Variants in ACOXL observed in about 807,000 individuals in gnomAD.
The protein encoded by ACOXL is acyl-CoA oxidase like.
In ACOXL, 70 loss-of-function variants were observed where a neutral mutation model predicts 71.9. That is an observed-to-expected ratio of 0.97 (90% CI 0.80 to 1.19). The LOEUF (loss-of-function observed/expected upper bound fraction) is 1.19. Among genes scored for constraint, ACOXL ranks in the 50% most tolerant of loss-of-function variants. ACOXL has a pLI of 0.00. For missense variants in ACOXL, 703 were observed against 736.3 expected (o/e 0.95, Z 0.52); for synonymous variants, 253 against 281.6 (o/e 0.90, Z 1.02).
chr2:111,018,195 G>GACCA (rs2064554540), intron 14 of ACOXL: 1 of 152,654 alleles, frequency 6.6e-6, no homozygotes. Context: ...TGGGAGGGAA[G>GACCA]GATGGCAGGG....
At chr2:110,984,280 T>A (rs939617007) in intron 12 of ACOXL, among the ~76,000 whole-genome samples, 1 of 152,152 alleles carries the variant, frequency 6.6e-6, no homozygotes, top group African/African-American at 2.4e-5. Context: ...CACACACATA[T>A]ATACTACATA....
chr2:110,933,668 G>T (rs201024754), intron 12 of ACOXL, 26 bp downstream of exon 12: 1 of 1,595,812 alleles, frequency 6.3e-7, no homozygotes, highest in Non-Finnish European at 8.5e-7. Flanking sequence ...TGCAGCCCCC[G>T]TGGGTCCCCA....
At chr2:111,042,646 A>C (rs940377534) in intron 15 of ACOXL, among the ~76,000 whole-genome samples, 6 of 152,210 alleles carry the variant, frequency 3.9e-5, no homozygotes, top group Non-Finnish European at 8.8e-5. Flanking sequence ...ATGAGCCTGG[A>C]AAAGTGGGCC....
intron 10 of ACOXL, among the ~76,000 whole-genome samples, chr2:110,875,775 G>A (rs1411409366): frequency 6.6e-6 from 1 of 152,156 alleles, no homozygotes; most frequent in African/African-American, 2.4e-5. Context: ...TTCCTCATTT[G>A]TCAAATGAGG....
chr2:110,810,202 C>G (rs1036964461), intron 9 of ACOXL, among the ~76,000 whole-genome samples: 2 of 152,210 alleles, frequency 1.3e-5, no homozygotes, highest in African/African-American at 4.8e-5. Context: ...ATTGCTGTAA[C>G]ACGATCAGGC....
intron 12 of ACOXL, among the ~76,000 whole-genome samples, chr2:110,957,926 C>T (rs562521691): frequency 7.3e-5 from 11 of 151,638 alleles, no homozygotes; most frequent in African/African-American, 2.4e-4. Context: ...GGCATGGTGG[C>T]GGGCGACTGT....
chr2:110,929,791 G>A (rs943420147), intron 11 of ACOXL, among the ~76,000 whole-genome samples: 1 of 152,226 alleles, frequency 6.6e-6, no homozygotes, highest in Non-Finnish European at 1.5e-5. Context: ...TGGTATAGCT[G>A]GAGGCATGGC....
At chr2:111,051,792 T>C (rs1426584028) in intron 16 of ACOXL, among the ~76,000 whole-genome samples, 2 of 152,246 alleles carry the variant, frequency 1.3e-5, no homozygotes, top group Non-Finnish European at 2.9e-5. Context: ...AATTATATTT[T>C]GCATGCATTC....
intron 16 of ACOXL, among the ~76,000 whole-genome samples, chr2:111,066,908 A>C (rs1024011573): frequency 2.0e-5 from 3 of 152,186 alleles, no homozygotes; most frequent in African/African-American, 7.2e-5. Flanking sequence ...CTATAGGAAA[A>C]TCCAGGAGAA....
chr2:111,110,862 C>T (rs542877641), intron 17 of ACOXL, among the ~76,000 whole-genome samples: 11 of 152,290 alleles, frequency 7.2e-5, no homozygotes, highest in African/African-American at 2.2e-4. Context: ...AGGAGCCCTC[C>T]CAGTTGATTT....
In ACOXL at chr2:110,948,519, T is replaced by A. The variant is rs144910019; in HGVS notation, c.1059+14877T>A. On this transcript the variant is annotated intron_variant, in intron 12 of 17. Transcript: ENST00000439055. Reference sequence around the variant, plus strand: ...GATCTCTGGGAATCACAAAGAGATGTTGCAAAGCCCACGTACTGGAGCTCA... The same window carrying A: ...GATCTCTGGGAATCACAAAGAGATGATGCAAAGCCCACGTACTGGAGCTCA... Among the ~76,000 whole-genome samples the A allele has an allele frequency of 4.6e-3, 698 of 151,966 alleles. 7 individuals are homozygous for A. The highest frequency in any genetic ancestry group is 0.016 in the African/African-American group (667 of 41,446).
At position 110,732,576 on chromosome 2, in the gene ACOXL, T is replaced by A. The variant is rs2104603686; in HGVS notation, c.-221T>A. On this transcript the variant is annotated 5_prime_UTR_variant, in exon 1 of 18. Transcript: ENST00000439055. ...GAGGGCGTGCGCCTGGGGCCTCACC[T>A]GCTGGGAGCTGGAGGAGGCGCGGAG... is the stretch of plus-strand genomic sequence containing the variant. 6.5e-6 allele frequency: 1 copy of A among 152,922 alleles called. No homozygotes were observed. Among genetic ancestry groups the A allele is most frequent in the African/African-American group, 2.4e-5 (1 of 41,568 alleles). The allele number at this position is 152,922 out of a possible 1,614,324, so 9.5% of individuals were successfully genotyped here.
intron 12 of ACOXL, among the ~76,000 whole-genome samples, chr2:110,943,368 AAG>A (rs2060968917): frequency 6.6e-6 from 1 of 152,054 alleles, no homozygotes; most frequent in Admixed American, 6.6e-5. Context: ...AAAGAAAGAA[AAG>A]AGAGAAAATT....
intron 10 of ACOXL, among the ~76,000 whole-genome samples, chr2:110,890,496 G>A (rs778133238): frequency 1.3e-5 from 2 of 152,128 alleles, no homozygotes; most frequent in Non-Finnish European, 2.9e-5. Flanking sequence ...TGTATGGTGT[G>A]AGGAAGGGCT....
intron 14 of ACOXL, among the ~76,000 whole-genome samples, chr2:111,024,314 A>G (rs1232092817): frequency 2.6e-5 from 4 of 152,210 alleles, no homozygotes; most frequent in East Asian, 3.8e-4. Flanking sequence ...GAATCAAATT[A>G]GGTCACACTG....
chr2:110,833,335 A>G (rs887580744), intron 9 of ACOXL, among the ~76,000 whole-genome samples: 39 of 152,342 alleles, frequency 2.6e-4, no homozygotes, highest in African/African-American at 8.2e-4. Flanking sequence ...TACATCCTGC[A>G]TGGTTACATT....
chr2:110,873,955 C>T (rs1157850094), intron 10 of ACOXL, among the ~76,000 whole-genome samples: 2 of 152,188 alleles, frequency 1.3e-5, no homozygotes, highest in East Asian at 3.9e-4. Context: ...TGGCATCCAC[C>T]GTGTGGCATC....
chr2:110,951,442 C>T (rs1252490706), intron 12 of ACOXL, among the ~76,000 whole-genome samples: 1 of 152,230 alleles, frequency 6.6e-6, no homozygotes, highest in East Asian at 1.9e-4. Context: ...TGTTTCTTTG[C>T]CTATATTATA....
At chr2:110,999,468 T>C (rs1259396490) in intron 14 of ACOXL, among the ~76,000 whole-genome samples, 2 of 152,134 alleles carry the variant, frequency 1.3e-5, no homozygotes, top group Admixed American at 1.3e-4. Context: ...AAAGGCAAAA[T>C]GATGACCTCA....
Sources: gnomAD v4.1 joint callset for allele counts (sites outside exome capture counted in the v4.1 genomes callset) on GRCh38, gnomAD v4.1.1 for gene constraint, MANE v1.5 for transcripts, NCBI Gene and HGNC (gene_info 2026-07-23, HGNC 2026-07-21) for gene names.